Variants in HHIPL1 observed in about 807,000 individuals in gnomAD.
HHIPL1 encodes HHIP like 1, also known as HHIP-like protein 1.
HHIPL1 carries 43 observed loss-of-function variants against 61.8 expected under a neutral mutation model. That is an observed-to-expected ratio of 0.70 (90% confidence interval 0.55 to 0.90). HHIPL1 has a LOEUF of 0.90. HHIPL1 is among the 40% of genes least tolerant of loss of function. The pLI is 0.00. For synonymous variants in HHIPL1, 482 were observed against 515.8 expected, an observed-to-expected ratio of 0.93 and a Z score of 0.89; for missense variants, 1,056 against 1,157.7, an observed-to-expected ratio of 0.91 and a Z score of 1.28.
the HHIPL1 span, among the ~76,000 whole-genome samples, chr14:99,630,199 A>G: frequency 6.6e-6 from 1 of 152,220 alleles, no homozygotes; most frequent in Non-Finnish European, 1.5e-5. Flanking sequence ...CTGGGATCTC[A>G]GCATTGGGCA....
intron 5 of HHIPL1, 29 bp from the exon 6 acceptor site, chr14:99,662,847 A>G (rs537477456): frequency 1.2e-5 from 19 of 1,550,430 alleles, no homozygotes; most frequent in Non-Finnish European, 1.6e-5. Flanking sequence ...CATGCCAGGC[A>G]TGGCCTCACA....
chr14:99,620,918 G>A, the HHIPL1 span, among the ~76,000 whole-genome samples: 1,322 of 152,312 alleles, frequency 8.7e-3, 24 homozygotes, highest in African/African-American at 0.03. Context: ...ATGAGAGTGC[G>A]GATTCTCTGA....
chr14:99,654,194 AAAAAAAAAAAAAAAG>A (rs1490495496), intron 2 of HHIPL1, among the ~76,000 whole-genome samples: 2 of 150,312 alleles, frequency 1.3e-5, no homozygotes, highest in Non-Finnish European at 3.0e-5. Context: ...GTCTCAAAAA[AAAAAAAAAAAAAAAG>A]AAAAAAGAAA....
chr14:99,636,406 A>G, the HHIPL1 span, among the ~76,000 whole-genome samples: 1 of 152,222 alleles, frequency 6.6e-6, no homozygotes, highest in Non-Finnish European at 1.5e-5. Context: ...CAAAGCTCCT[A>G]GCACGGTTGT....
In HHIPL1 at chr14:99,657,141, C is replaced by T. The variant is rs745387092; in HGVS notation, c.1044C>T (p.Asn348=). The change falls in exon 3 of 9, where the codon AAC becomes AAT. Residue 348 remains asparagine, a splice_region_variant and synonymous_variant. Transcript: ENST00000330710. ...TTGGGACATTTGGAAATGCCCAAAA[C>T]AAGTATGTTCAGCTTTTGATTGGCT... ...DPFGTFGNAQ[N]KSALLGKVLR... The T allele has an allele frequency of 1.2e-6, 2 of 1,612,644 alleles. No homozygotes were observed. The highest frequency in any genetic ancestry group is 2.2e-5 in the South Asian group (2 of 90,780).
chr14:99,673,355 G>A (rs1468337345), intron 8 of HHIPL1, among the ~76,000 whole-genome samples: 2 of 151,294 alleles, frequency 1.3e-5, no homozygotes, highest in Admixed American at 1.3e-4. Context: ...GCTCCATGCT[G>A]GATGCCAGAG....
the HHIPL1 span, among the ~76,000 whole-genome samples, chr14:99,617,667 G>T: frequency 6.6e-6 from 1 of 152,144 alleles, no homozygotes; most frequent in Non-Finnish European, 1.5e-5. Flanking sequence ...CTAGCTCTGG[G>T]CTGTGGTGCA....
intron 8 of HHIPL1, among the ~76,000 whole-genome samples, chr14:99,673,858 C>T (rs1455039844): frequency 1.2e-5 from 1 of 80,308 alleles, no homozygotes; most frequent in African/African-American, 5.5e-5. Context: ...TTGGGGGATG[C>T]ACCCAGGCAG....
At chr14:99,611,530 C>T in the HHIPL1 span, among the ~76,000 whole-genome samples, 27 of 151,938 alleles carry the variant, frequency 1.8e-4, no homozygotes, top group African/African-American at 6.5e-4. Flanking sequence ...AGGTGATCCA[C>T]CCACCTTGGC....
At position 99,662,925 on chromosome 14, in the gene HHIPL1, A is replaced by G. The variant is rs773807759; in HGVS notation, c.1552A>G (p.Ser518Gly). ...ENPGTGQWQY[S>G]EICMGHGQTC... ...CCCAGGGACAGGCCAGTGGCAGTAC[A>G]GTGAGATCTGCATGGGCCACGGCCA... The change falls in exon 6 of 9, where the codon AGT (serine) becomes GGT (glycine). Residue 518 changes from serine to glycine, a missense_variant. Coordinates refer to ENST00000330710, the MANE Select transcript of HHIPL1 (RefSeq NM_001127258.3). The G allele has an allele frequency of 5.0e-6, 8 of 1,613,760 alleles. No homozygotes were observed. In the Admixed American group the frequency reaches 6.7e-5, roughly 13 times the overall value.
At chr14:99,655,695 T>C (rs1401593647) in intron 2 of HHIPL1, among the ~76,000 whole-genome samples, 1 of 152,142 alleles carries the variant, frequency 6.6e-6, no homozygotes, top group Non-Finnish European at 1.5e-5. Flanking sequence ...CCACCCTAAG[T>C]ATTTCAGTCA....
the HHIPL1 span, chr14:99,624,781 A>G: frequency 6.6e-6 from 1 of 152,324 alleles, no homozygotes; most frequent in East Asian, 1.9e-4. Flanking sequence ...TCAGGGAACC[A>G]TACAGAGGCC....
the HHIPL1 span, among the ~76,000 whole-genome samples, chr14:99,626,613 C>G: frequency 6.6e-6 from 1 of 152,236 alleles, no homozygotes. Context: ...AAAGGGATGG[C>G]TCTGTAGACA....
the HHIPL1 span, among the ~76,000 whole-genome samples, chr14:99,633,015 C>T: frequency 7.7e-6 from 1 of 129,780 alleles, no homozygotes; most frequent in African/African-American, 2.9e-5. Flanking sequence ...GCGAGTCTGG[C>T]CAAGTGGTGA....
In HHIPL1 at chr14:99,645,194, C is replaced by G. The variant is rs2055808088; in HGVS notation, c.-14C>G. Reference sequence around the variant, plus strand: ...GCTGCCGTCCCTCCGCCTCTTCCCCCGCGGGGCGTAGCGATGGCCCGGGCC... The same window carrying G: ...GCTGCCGTCCCTCCGCCTCTTCCCCGGCGGGGCGTAGCGATGGCCCGGGCC... On this transcript the variant is annotated 5_prime_UTR_variant, in exon 1 of 9. Transcript: ENST00000330710. The G allele has an allele frequency of 7.8e-7, 1 of 1,274,250 alleles. No individual in the cohort carries two copies. Among genetic ancestry groups the G allele is most frequent in the African/African-American group, 1.6e-5 (1 of 64,378 alleles). The allele number at this position is 1,274,250 out of a possible 1,614,324, so 78.9% of individuals were successfully genotyped here.
At chr14:99,626,186 C>T in the HHIPL1 span, among the ~76,000 whole-genome samples, 3 of 152,148 alleles carry the variant, frequency 2.0e-5, 1 homozygote, top group Admixed American at 2.0e-4. Flanking sequence ...ATTCCTGTGA[C>T]CCCAGCAGGC....
the HHIPL1 span, among the ~76,000 whole-genome samples, chr14:99,623,794 T>C: frequency 1.7e-3 from 259 of 152,218 alleles, 1 homozygote; most frequent in African/African-American, 5.9e-3. Context: ...CCGAGCCTGC[T>C]GTACCTGTGA....
intron 6 of HHIPL1, among the ~76,000 whole-genome samples, chr14:99,665,047 C>T (rs1162556133): frequency 6.6e-6 from 1 of 152,062 alleles, no homozygotes; most frequent in Non-Finnish European, 1.5e-5. Flanking sequence ...CCTCAGCCCC[C>T]GGAGCAGCTG....
chr14:99,637,193 A>AAGG, the HHIPL1 span, among the ~76,000 whole-genome samples: 10 of 83,848 alleles, frequency 1.2e-4, no homozygotes, highest in African/African-American at 4.2e-4. Flanking sequence ...AGAATGGAAG[A>AAGG]AAGAAAGGAA....
Sources: gnomAD v4.1 joint callset for allele counts (sites outside exome capture counted in the v4.1 genomes callset) on GRCh38, gnomAD v4.1.1 for gene constraint, MANE v1.5 for transcripts, NCBI Gene and HGNC (gene_info 2026-07-23, HGNC 2026-07-21) for gene names.